Variants in PKP4 observed in about 807,000 individuals in gnomAD.
PKP4 encodes the protein plakophilin-4.
PKP4 carries 90 observed loss-of-function variants against 145.1 expected under a neutral mutation model. That is an observed-to-expected ratio of 0.62 (90% CI 0.52 to 0.74). PKP4 has a LOEUF of 0.74. PKP4 is among the 30% of genes least tolerant of loss of function. The probability of loss-of-function intolerance (pLI) is 0.00; values close to 1 mark genes in which losing one functional copy is unlikely to be tolerated. For missense variants in PKP4, 1,340 were observed against 1,482.7 expected, an observed-to-expected ratio of 0.90 and a Z score of 1.58; for synonymous variants, 563 against 577.2, an observed-to-expected ratio of 0.98 and a Z score of 0.35.
intron 3 of PKP4, among the ~76,000 whole-genome samples, chr2:158,598,277 T>C (rs2051946): frequency 1.3e-5 from 2 of 151,756 alleles, no homozygotes; most frequent in Admixed American, 1.3e-4. Context: ...TTGTGTATAC[T>C]TGTGATAAAA....
chr2:158,504,721 C>T (rs1275125632), intron 1 of PKP4, among the ~76,000 whole-genome samples: 1 of 152,044 alleles, frequency 6.6e-6, no homozygotes, highest in Non-Finnish European at 1.5e-5. Context: ...ATAAATGTAT[C>T]GCAAATCAGA....
chr2:158,482,037 A>T (rs1407663708), intron 1 of PKP4, among the ~76,000 whole-genome samples: 2 of 152,222 alleles, frequency 1.3e-5, no homozygotes, highest in African/African-American at 4.8e-5. Flanking sequence ...GTGATCGCTC[A>T]TGCCATAATT....
At chr2:158,608,836 C>T (rs1419821563) in intron 4 of PKP4, among the ~76,000 whole-genome samples, 4 of 75,716 alleles carry the variant, frequency 5.3e-5, no homozygotes, top group South Asian at 4.1e-4. Flanking sequence ...TTTTTTGAGA[C>T]GGAGTCTTGC....
At chr2:158,655,742 GA>G (rs2055851329) in intron 11 of PKP4, among the ~76,000 whole-genome samples, 1 of 152,234 alleles carries the variant, frequency 6.6e-6, no homozygotes, top group African/African-American at 2.4e-5. Flanking sequence ...CACATGTTAT[GA>G]AACTGTCAGC....
intron 4 of PKP4, among the ~76,000 whole-genome samples, chr2:158,610,946 A>C (rs2051093599): frequency 6.6e-6 from 1 of 152,212 alleles, no homozygotes; most frequent in Non-Finnish European, 1.5e-5. Context: ...GTTCCTAGAA[A>C]AAGAAAGTGT....
intron 3 of PKP4, among the ~76,000 whole-genome samples, chr2:158,590,347 GTGTGTGTGTGTA>G (rs2049156481): frequency 7.3e-6 from 1 of 136,500 alleles, no homozygotes; most frequent in Non-Finnish European, 1.6e-5. Flanking sequence ...GTGTGTGTGT[GTGTGTGTGTGTA>G]TTGTGTATTT....
In PKP4 at chr2:158,674,057, C is replaced by T. The variant is rs1354702931; in HGVS notation, c.3127+57C>T. The T allele has an allele frequency of 7.3e-6, 7 of 955,764 alleles. No homozygotes were observed. The East Asian group carries it at 1.4e-4, about 20-fold the overall frequency. 59.2% of individuals were successfully genotyped at this position (955,764 alleles called of 1,614,324 possible). A position where few individuals can be genotyped will look rare whatever the true frequency, so the allele number is the denominator to read the frequency against. Reference sequence around the variant, plus strand: ...ACCTTTGTGTGACAGAACATTGTTCCCCAGCCAGAGAAGATCAAACATAAG... The same window carrying T: ...ACCTTTGTGTGACAGAACATTGTTCTCCAGCCAGAGAAGATCAAACATAAG... On this transcript the variant is annotated intron_variant, in intron 19 of 21. Transcript: ENST00000389759.
chr2:158,582,884 G>T (rs1265413244), intron 3 of PKP4, among the ~76,000 whole-genome samples: 3 of 152,126 alleles, frequency 2.0e-5, no homozygotes, highest in Non-Finnish European at 4.4e-5. Flanking sequence ...TCAATTTTAG[G>T]TCCACTAAGC....
chr2:158,522,282 G>A (rs1276634730), intron 1 of PKP4, among the ~76,000 whole-genome samples: 1 of 152,052 alleles, frequency 6.6e-6, no homozygotes, highest in Non-Finnish European at 1.5e-5. Context: ...ATCAGCTCTG[G>A]TAAAAGAGAT....
intron 1 of PKP4, among the ~76,000 whole-genome samples, chr2:158,516,065 CATG>C (rs2041917157): frequency 2.1e-5 from 3 of 145,024 alleles, no homozygotes; most frequent in African/African-American, 5.1e-5. Flanking sequence ...TTTTTATACA[CATG>C]AGGGTCTCTG....
intron 2 of PKP4, among the ~76,000 whole-genome samples, chr2:158,561,946 A>G (rs1018808431): frequency 2.0e-5 from 1 of 49,574 alleles, no homozygotes; most frequent in Non-Finnish European, 4.1e-5. Flanking sequence ...ACCCCCCGAC[A>G]GGCCCCGGTG....
chr2:158,618,974 T>C (rs960022249), intron 4 of PKP4, among the ~76,000 whole-genome samples: 5 of 152,218 alleles, frequency 3.3e-5, no homozygotes, highest in Non-Finnish European at 7.3e-5. Context: ...TTTCCATGTA[T>C]GTGAAGCCTT....
chr2:158,608,107 A>G (rs1258817950), intron 4 of PKP4, among the ~76,000 whole-genome samples: 1 of 152,252 alleles, frequency 6.6e-6, no homozygotes, highest in Non-Finnish European at 1.5e-5. Flanking sequence ...TAGATACACT[A>G]TTCTCCATGA....
chr2:158,548,687 G>A (rs868798267), intron 2 of PKP4: 6 of 191,894 alleles, frequency 3.1e-5, no homozygotes, highest in Non-Finnish European at 5.2e-5. Context: ...CACCCCGGCC[G>A]TGGACCGCCA....
intron 3 of PKP4, among the ~76,000 whole-genome samples, chr2:158,589,997 G>T (rs1236362388): frequency 6.6e-6 from 1 of 152,094 alleles, no homozygotes; most frequent in Non-Finnish European, 1.5e-5. Context: ...GGATGGGGGT[G>T]GGGGACAAAC....
chr2:158,562,980 C>T (rs1278158362), intron 2 of PKP4, among the ~76,000 whole-genome samples: 1 of 151,966 alleles, frequency 6.6e-6, no homozygotes, highest in African/African-American at 2.4e-5. Context: ...TAATTAAAAC[C>T]GTAGAGTAAG....
At chr2:158,658,878 C>T (rs1184995558) in intron 12 of PKP4, 1 of 152,544 alleles carries the variant, frequency 6.6e-6, no homozygotes, top group East Asian at 1.9e-4. Context: ...ATTTCCCAGC[C>T]TTACAGTACC....
intron 8 of PKP4, chr2:158,632,504 C>T (rs1414277798): frequency 6.5e-6 from 1 of 154,334 alleles, no homozygotes; most frequent in Non-Finnish European, 1.4e-5. Context: ...GAGCATCACA[C>T]CCTTGTACCG....
intron 7 of PKP4, among the ~76,000 whole-genome samples, chr2:158,628,316 A>G (rs2053014971): frequency 6.6e-6 from 1 of 152,198 alleles, no homozygotes; most frequent in African/African-American, 2.4e-5. Context: ...ATAGAACATA[A>G]TTATTTGAAT....
Sources: gnomAD v4.1 joint callset for allele counts (sites outside exome capture counted in the v4.1 genomes callset) on GRCh38, gnomAD v4.1.1 for gene constraint, MANE v1.5 for transcripts, NCBI Gene and HGNC (gene_info 2026-07-23, HGNC 2026-07-21) for gene names.